The following C10orf143 variants were observed in gnomAD, a reference collection of about 807,000 sequenced individuals.
C10orf143 encodes uncharacterized protein C10orf143.
intron 3 of C10orf143, among the ~76,000 whole-genome samples, chr10:130,040,927 C>T (rs1293341840): frequency 6.6e-6 from 1 of 152,036 alleles, no homozygotes; most frequent in African/African-American, 2.4e-5. Context: ...GCTACACTGG[C>T]CTCCTTGCTT....
chr10:130,097,345 G>C (rs1241984794), intron 1 of C10orf143, among the ~76,000 whole-genome samples: 1 of 151,926 alleles, frequency 6.6e-6, no homozygotes, highest in Non-Finnish European at 1.5e-5. Context: ...TTGAGGCCAG[G>C]GTTTGAGACC....
chr10:130,102,789 C>T (rs1861578380), intron 1 of C10orf143, among the ~76,000 whole-genome samples: 1 of 152,056 alleles, frequency 6.6e-6, no homozygotes, highest in Non-Finnish European at 1.5e-5. Flanking sequence ...CTTTTTTAAT[C>T]ACTATGAAAT....
chr10:130,069,257 A>G (rs1023723980), intron 3 of C10orf143, among the ~76,000 whole-genome samples: 3 of 152,208 alleles, frequency 2.0e-5, no homozygotes, highest in Non-Finnish European at 4.4e-5. Context: ...GTGCCAGAAG[A>G]AAGACTGTCA....
intron 1 of C10orf143, among the ~76,000 whole-genome samples, chr10:130,099,479 A>G (rs601230): frequency 0.58 from 87,777 of 151,922 alleles, 26,788 homozygotes; most frequent in Admixed American, 0.7. Flanking sequence ...GGTAAAACAA[A>G]GATATTTAAC....
chr10:130,053,630 G>A (rs1385333938), intron 3 of C10orf143, among the ~76,000 whole-genome samples: 4 of 152,188 alleles, frequency 2.6e-5, no homozygotes. Flanking sequence ...GCGAATGGCT[G>A]GGACTCGGGG....
intron 3 of C10orf143, among the ~76,000 whole-genome samples, chr10:130,048,829 A>G (rs572886064): frequency 1.3e-5 from 2 of 152,104 alleles, no homozygotes; most frequent in East Asian, 3.9e-4. Flanking sequence ...CAGTCCCCCA[A>G]GCAGCTAGGA....
At chr10:130,043,584 G>A (rs1443129530) in intron 3 of C10orf143, among the ~76,000 whole-genome samples, 2 of 152,118 alleles carry the variant, frequency 1.3e-5, no homozygotes, top group Non-Finnish European at 2.9e-5. Flanking sequence ...CTCAACCATG[G>A]CACTCACGCC....
intron 4 of C10orf143, among the ~76,000 whole-genome samples, chr10:130,035,291 TG>T (rs113363853): frequency 3.8e-4 from 58 of 152,348 alleles, no homozygotes; most frequent in African/African-American, 1.4e-3. Context: ...GTGTTTCGTC[TG>T]TGTCTTTGCC....
chr10:130,053,127 C>T (rs1860755263), intron 3 of C10orf143, among the ~76,000 whole-genome samples: 1 of 152,160 alleles, frequency 6.6e-6, no homozygotes, highest in Non-Finnish European at 1.5e-5. Flanking sequence ...GTGGCATGAT[C>T]TCGGCTCACT....
intron 1 of C10orf143, among the ~76,000 whole-genome samples, chr10:130,099,823 AATT>A (rs1861518629): frequency 1.4e-5 from 2 of 141,038 alleles, no homozygotes; most frequent in Non-Finnish European, 3.0e-5. Flanking sequence ...GCTCAACCTA[AATT>A]TTTTTTATTT....
At chr10:130,076,825 C>T (rs538588824) in intron 3 of C10orf143, among the ~76,000 whole-genome samples, 1 of 152,298 alleles carries the variant, frequency 6.6e-6, no homozygotes, top group East Asian at 1.9e-4. Context: ...GCCTAGGTGA[C>T]TGTCCAGCAT....
intron 3 of C10orf143, among the ~76,000 whole-genome samples, chr10:130,042,071 A>G (rs1860613847): frequency 1.3e-5 from 2 of 152,342 alleles, no homozygotes; most frequent in South Asian, 4.1e-4. Flanking sequence ...ACACCCACAC[A>G]TGCACACTAT....
At chr10:130,090,745 C>T (rs1290892726) in intron 1 of C10orf143, among the ~76,000 whole-genome samples, 1 of 152,142 alleles carries the variant, frequency 6.6e-6, no homozygotes, top group Non-Finnish European at 1.5e-5. Context: ...GGGGCATCTG[C>T]CATTACCAAG....
At chr10:130,052,242 G>A (rs1262241332) in intron 3 of C10orf143, among the ~76,000 whole-genome samples, 1 of 151,988 alleles carries the variant, frequency 6.6e-6, no homozygotes, top group East Asian at 1.9e-4. Flanking sequence ...AGCCCGATGG[G>A]GGTCACATGC....
intron 4 of C10orf143, among the ~76,000 whole-genome samples, chr10:130,035,228 T>C (rs561551821): frequency 2.3e-4 from 35 of 151,316 alleles, no homozygotes; most frequent in African/African-American, 8.2e-4. Context: ...TCCCTCTTCT[T>C]GGCTTGCTGA....
chr10:130,106,792 C>T (rs149953039), intron 1 of C10orf143: 116,084 of 1,162,984 alleles, frequency 0.1, 8,050 homozygotes, highest in South Asian at 0.15. Context: ...TTGAAGACTC[C>T]AAAGTACATG....
At chr10:130,057,288 TG>T (rs1264178792) in intron 3 of C10orf143, among the ~76,000 whole-genome samples, 3 of 152,184 alleles carry the variant, frequency 2.0e-5, no homozygotes, top group Non-Finnish European at 2.9e-5. Flanking sequence ...TGTTTCACAC[TG>T]TTGTACAACC....
At chr10:130,102,678 A>G (rs1861576645) in intron 1 of C10orf143, among the ~76,000 whole-genome samples, 1 of 152,198 alleles carries the variant, frequency 6.6e-6, no homozygotes, top group Non-Finnish European at 1.5e-5. Context: ...GGATTTGCCT[A>G]TTTTTCCTTG....
At chr10:130,041,574 AT>A (rs797017246) in intron 3 of C10orf143, among the ~76,000 whole-genome samples, 21 of 152,328 alleles carry the variant, frequency 1.4e-4, no homozygotes, top group African/African-American at 5.1e-4. Context: ...TTCGATTTGC[AT>A]TTTTAACTTA....
Sources: gnomAD v4.1 joint callset for allele counts (sites outside exome capture counted in the v4.1 genomes callset) on GRCh38, gnomAD v4.1.1 for gene constraint, MANE v1.5 for transcripts, NCBI Gene and HGNC (gene_info 2026-07-23, HGNC 2026-07-21) for gene names.